Variants in BCL2L2 observed in about 807,000 individuals in gnomAD.
The protein encoded by BCL2L2 is BCL2 like 2, also known as bcl-2-like protein 2.
BCL2L2 carries 6 observed loss-of-function variants against 14.6 expected under a neutral mutation model. That is an observed-to-expected ratio of 0.41 (90% CI 0.22 to 0.81). BCL2L2 has a LOEUF of 0.81. BCL2L2 is among the 30% of genes least tolerant of loss of function. The pLI is 0.32. For missense variants in BCL2L2, 191 were observed against 260.5 expected, an observed-to-expected ratio of 0.73 and a Z score of 1.84; for synonymous variants, 90 against 108.5, an observed-to-expected ratio of 0.83 and a Z score of 1.06.
chr14:23,307,988 C>T lies in BCL2L2; in HGVS notation c.221C>T (p.Ser74Leu), dbSNP rs1392749158. The change falls in exon 3 of 4, where the codon TCA becomes TTA. Residue 74 changes from serine (S) to leucine (L), a missense_variant. Transcript: ENST00000250405. ...LAAQLHVTPG[S>L]AQQRFTQVSD... ...GCTCAGCTGCATGTGACCCCAGGCTCAGCCCAACAACGCTTCACCCAGGTC... is the reference window on the plus strand; with the variant it reads ...GCTCAGCTGCATGTGACCCCAGGCTTAGCCCAACAACGCTTCACCCAGGTC... 4.3e-6 allele frequency: 7 copies of T among 1,614,052 alleles called. No homozygotes were observed. The highest frequency in any genetic ancestry group is 5.9e-6 in the Non-Finnish European group (7 of 1,180,030).
chr14:23,308,187 C>A lies in BCL2L2; in HGVS notation c.420C>A (p.Ser140Arg). 1 of 1,611,086 alleles carries A rather than the reference C, an allele frequency of 6.2e-7. No individual in the cohort carries two copies. Among genetic ancestry groups the A allele is most frequent in the Non-Finnish European group, 8.5e-7 (1 of 1,178,912 alleles). ...LETQLADWIH[S>R]SGGWAEFTAL... ...CGCAGCTGGCTGACTGGATCCACAG[C>A]AGTGGGGGCTGGGTAAGAAGCTTCT... Residue 140 changes from serine (S) to arginine (R), a missense_variant, in exon 3 of 4, where the codon AGC (serine) becomes AGA (arginine). Coordinates refer to ENST00000250405, the MANE Select transcript of BCL2L2 (RefSeq NM_004050.5). The surrounding 1 kb of genome is among the most constrained non-coding windows in gnomAD (Gnocchi z 5.4).
rs867739613 is a variant in BCL2L2 at position 23,307,946 on chromosome 14, C to T, written c.179C>T (p.Thr60Ile). The T allele has an allele frequency of 6.2e-7, 1 of 1,614,022 alleles. No homozygotes were observed. Among genetic ancestry groups the T allele is most frequent in the African/African-American group, 1.3e-5 (1 of 75,064 alleles). ...GDEFETRFRRTFSDLAAQLHV... is the reference protein window; with the variant it reads ...GDEFETRFRRIFSDLAAQLHV... ...GAGTTCGAGACCCGCTTCCGGCGCA[C>T]CTTCTCTGATCTGGCGGCTCAGCTG... The change falls in exon 3 of 4, where the codon ACC becomes ATC. Residue 60 changes from threonine to isoleucine, a missense_variant. Coordinates refer to ENST00000250405, the MANE Select transcript of BCL2L2 (RefSeq NM_004050.5).
Position 23,310,541 on chromosome 14 carries a change from A to C in BCL2L2, c.*1576A>C. 2 of 1,058,524 alleles carry C rather than the reference A, an allele frequency of 1.9e-6. No homozygotes were observed. The highest frequency in any genetic ancestry group is 2.3e-6 in the Non-Finnish European group (2 of 874,410). 65.6% of individuals were successfully genotyped at this position (1,058,524 alleles called of 1,614,324 possible). A position where few individuals can be genotyped will look rare whatever the true frequency, so the allele number is the denominator to read the frequency against. On this transcript the variant is annotated 3_prime_UTR_variant, in exon 4 of 4. Transcript: ENST00000250405. Reference sequence around the variant, plus strand: ...AATTGGCCTCAGGTGTTGAGTCCAGACTTCTGCTTTTGAGAGAGGGCTGCA... The same window carrying C: ...AATTGGCCTCAGGTGTTGAGTCCAGCCTTCTGCTTTTGAGAGAGGGCTGCA...
chr14:23,308,147 T>C lies in BCL2L2; in HGVS notation c.380T>C (p.Val127Ala), dbSNP rs764416835. 5 of 1,613,076 alleles carry C rather than the reference T, an allele frequency of 3.1e-6. No individual in the cohort carries two copies. The African/African-American group carries it at 6.7e-5, about 22-fold the overall frequency. ...PLVGQVQEWMVAYLETQLADW... is the reference protein window; with the variant it reads ...PLVGQVQEWMAAYLETQLADW... ...GTGGGACAAGTGCAGGAGTGGATGGTGGCCTACCTGGAGACGCAGCTGGCT... is the reference window on the plus strand; with the variant it reads ...GTGGGACAAGTGCAGGAGTGGATGGCGGCCTACCTGGAGACGCAGCTGGCT... The change falls in exon 3 of 4, where the codon GTG (valine) becomes GCG (alanine). Residue 127 changes from valine to alanine, a missense_variant. By Grantham distance (64) the Val-to-Ala change is moderately conservative (BLOSUM62 0). Transcript: ENST00000250405. The surrounding 1 kb of genome is among the most constrained non-coding windows in gnomAD (Gnocchi z 5.4).
Position 23,308,633 on chromosome 14 carries a change from G to T in BCL2L2, c.433-183G>T, listed in dbSNP as rs1887409253. Among the ~76,000 whole-genome samples, 1 of 152,092 alleles carries T rather than the reference G, an allele frequency of 6.6e-6. No individual in the cohort carries two copies. On this transcript the variant is annotated intron_variant, in intron 3 of 3. Transcript: ENST00000250405. The surrounding 1 kb of genome is among the most constrained non-coding windows in gnomAD (Gnocchi z 5.4). ...CAGATGAACCAGTCTCTCAGGGTGG[G>T]GGTGCACCTGGGGGGATCAGAGGGG...
rs3210043 is a variant in BCL2L2, at chr14:23,310,668, C to A, written c.*1703C>A. 0.14 allele frequency: 163,739 copies of A among 1,136,690 alleles called. 12,985 individuals are homozygous for A. Among genetic ancestry groups the A allele is most frequent in the Non-Finnish European group, 0.16 (147,222 of 917,794 alleles). The allele number at this position is 1,136,690 out of a possible 1,614,324, so 70.4% of individuals were successfully genotyped here. On this transcript the variant is annotated 3_prime_UTR_variant, in exon 4 of 4. Coordinates refer to ENST00000250405, the MANE Select transcript of BCL2L2 (RefSeq NM_004050.5). Reference sequence around the variant, plus strand: ...AAACTCAGAGCCAGCTTGTGGCAAGCAGTTGGGGTGGGGGGTCTCTGACTT... The same window carrying A: ...AAACTCAGAGCCAGCTTGTGGCAAGAAGTTGGGGTGGGGGGTCTCTGACTT...
At position 23,308,258 on chromosome 14, in the gene BCL2L2, G is replaced by C; in HGVS notation, c.432+59G>C. ...CTTCTGCAAAGCTGGTCTCCAGGGG[G>C]AAGATGGGGGCTCTGATTGGAGGCT... On this transcript the variant is annotated intron_variant, in intron 3 of 3. Transcript: ENST00000250405. The surrounding 1 kb of genome is among the most constrained non-coding windows in gnomAD (Gnocchi z 5.4). 1 of 1,507,414 alleles carries C rather than the reference G, an allele frequency of 6.6e-7. No homozygotes were observed. The highest frequency in any genetic ancestry group is 2.4e-5 in the East Asian group (1 of 42,304). The allele number at this position is 1,507,414 out of a possible 1,614,324, so 93.4% of individuals were successfully genotyped here.
At position 23,309,585 on chromosome 14, in the gene BCL2L2, T is replaced by C; in HGVS notation, c.*620T>C. 1.0e-6 allele frequency: 1 copy of C among 985,594 alleles called. No individual in the cohort carries two copies. The highest frequency in any genetic ancestry group is 1.2e-6 in the Non-Finnish European group (1 of 830,012). 61.1% of individuals were successfully genotyped at this position (985,594 alleles called of 1,614,324 possible). Reference sequence around the variant, plus strand: ...CCCAACCCCTCCTTTCCCCTGCCCTTGTCCTGATGCCTCAAGGCTTAGAGA... The same window carrying C: ...CCCAACCCCTCCTTTCCCCTGCCCTCGTCCTGATGCCTCAAGGCTTAGAGA... On this transcript the variant is annotated 3_prime_UTR_variant, in exon 4 of 4. Coordinates refer to ENST00000250405, the MANE Select transcript of BCL2L2 (RefSeq NM_004050.5).
chr14:23,307,756 A>G lies in BCL2L2; in HGVS notation c.-8-4A>G, dbSNP rs763860750. 1 of 1,519,354 alleles carries G rather than the reference A, an allele frequency of 6.6e-7. No individual in the cohort carries two copies. The highest frequency in any genetic ancestry group is 2.3e-5 in the Admixed American group (1 of 44,186). The allele number at this position is 1,519,354 out of a possible 1,614,324, so 94.1% of individuals were successfully genotyped here. On this transcript the variant is annotated splice_polypyrimidine_tract_variant and splice_region_variant and intron_variant, in intron 2 of 3. Transcript: ENST00000250405. ...TGCCAGTCTTTCATCCTTGCCTCTT[A>G]TAGCCGCCCGGATGGCGACCCCAGC...
In BCL2L2 at chr14:23,308,281, G is replaced by T; in HGVS notation, c.432+82G>T. ...GGGAAGATGGGGGCTCTGATTGGAG[G>T]CTGAGGCAGCTATGTTGGGAATGAG... On this transcript the variant is annotated intron_variant, in intron 3 of 3. Coordinates refer to ENST00000250405, the MANE Select transcript of BCL2L2 (RefSeq NM_004050.5). This position sits in a 1 kb window ranked among gnomAD's most constrained non-coding sequence, Gnocchi z 5.4. 1 of 1,464,932 alleles carries T rather than the reference G, an allele frequency of 6.8e-7. No homozygotes were observed. 90.7% of individuals were successfully genotyped at this position (1,464,932 alleles called of 1,614,324 possible).
At position 23,309,445 on chromosome 14, in the gene BCL2L2, G is replaced by A. The variant is rs546495900; in HGVS notation, c.*480G>A. 98 of 987,938 alleles carry A rather than the reference G, an allele frequency of 9.9e-5. No individual in the cohort carries two copies. The African/African-American group carries it at 1.5e-3, about 15-fold the overall frequency. 61.2% of individuals were successfully genotyped at this position (987,938 alleles called of 1,614,324 possible). Reference sequence around the variant, plus strand: ...CTTGGACACGCGTGTGCATGTGCACGCATGCTGGTGTGCATGCTGGGCTGC... The same window carrying A: ...CTTGGACACGCGTGTGCATGTGCACACATGCTGGTGTGCATGCTGGGCTGC... On this transcript the variant is annotated 3_prime_UTR_variant, in exon 4 of 4. Transcript: ENST00000250405.
Position 23,311,106 on chromosome 14 carries a change from A to G in BCL2L2, c.*2141A>G, listed in dbSNP as rs1289272759. On this transcript the variant is annotated 3_prime_UTR_variant, in exon 4 of 4. Coordinates refer to ENST00000250405, the MANE Select transcript of BCL2L2 (RefSeq NM_004050.5). ...CAAAATGCCCTGCTCTGAAGCCTTG[A>G]CACCTGGGTGGAAAGAGAGGCTGTT... 3.1e-6 allele frequency: 4 copies of G among 1,288,930 alleles called. No individual in the cohort carries two copies. Among genetic ancestry groups the G allele is most frequent in the Non-Finnish European group, 1.0e-6 (1 of 988,626 alleles). 79.8% of individuals were successfully genotyped at this position (1,288,930 alleles called of 1,614,324 possible). A position where few individuals can be genotyped will look rare whatever the true frequency, so the allele number is the denominator to read the frequency against.
chr14:23,308,157 G>A lies in BCL2L2; in HGVS notation c.390G>A (p.Leu130=), dbSNP rs765778995. 4.3e-6 allele frequency: 7 copies of A among 1,613,518 alleles called. No homozygotes were observed. The South Asian group carries it at 7.7e-5, about 18-fold the overall frequency. ...GQVQEWMVAY[L]ETQLADWIHS... ...TGCAGGAGTGGATGGTGGCCTACCTGGAGACGCAGCTGGCTGACTGGATCC... is the reference window on the plus strand; with the variant it reads ...TGCAGGAGTGGATGGTGGCCTACCTAGAGACGCAGCTGGCTGACTGGATCC... The change falls in exon 3 of 4, where the codon CTG becomes CTA. Residue 130 remains leucine, a synonymous_variant. Coordinates refer to ENST00000250405, the MANE Select transcript of BCL2L2 (RefSeq NM_004050.5). The surrounding 1 kb of genome is among the most constrained non-coding windows in gnomAD (Gnocchi z 5.4).
chr14:23,308,129 AAGTGCAGG>A lies in BCL2L2; in HGVS notation c.367_374del (p.Gln123AspfsTer11). On this transcript the variant is annotated frameshift_variant, in exon 3 of 4. Coordinates refer to ENST00000250405, the MANE Select transcript of BCL2L2 (RefSeq NM_004050.5). LOFTEE classifies it high-confidence loss of function. The surrounding 1 kb of genome is among the most constrained non-coding windows in gnomAD (Gnocchi z 5.4). Reference sequence around the variant, plus strand: ...AAGGAGATGGAACCACTGGTGGGACAAGTGCAGGAGTGGATGGTGGCCTACCTGGAGAC... The same window carrying A: ...AAGGAGATGGAACCACTGGTGGGACAAGTGGATGGTGGCCTACCTGGAGAC... 1 of 1,613,824 alleles carries A rather than the reference AAGTGCAGG, an allele frequency of 6.2e-7. No homozygotes were observed. The highest frequency in any genetic ancestry group is 8.5e-7 in the Non-Finnish European group (1 of 1,180,030).
chr14:23,307,782 C>T lies in BCL2L2; in HGVS notation c.15C>T (p.Ala5=). MATP[A]SAPDTRALVA... ...TAGCCGCCCGGATGGCGACCCCAGC[C>T]TCGGCCCCAGACACACGGGCTCTGG... is the stretch of plus-strand genomic sequence containing the variant. The change falls in exon 3 of 4, where the codon GCC becomes GCT. Residue 5 remains alanine, a synonymous_variant. Coordinates refer to ENST00000250405, the MANE Select transcript of BCL2L2 (RefSeq NM_004050.5). 6.6e-7 allele frequency: 1 copy of T among 1,526,042 alleles called. No individual in the cohort carries two copies. The allele number at this position is 1,526,042 out of a possible 1,614,324, so 94.5% of individuals were successfully genotyped here.
In BCL2L2 at chr14:23,310,099, G is replaced by A. The variant is rs548409833; in HGVS notation, c.*1134G>A. ...TATGCTGTGTTGTGGGCTTTGGTTCGGCTTTATCAGGGGCCAGGCATATGG... is the reference window on the plus strand; with the variant it reads ...TATGCTGTGTTGTGGGCTTTGGTTCAGCTTTATCAGGGGCCAGGCATATGG... On this transcript the variant is annotated 3_prime_UTR_variant, in exon 4 of 4. Transcript: ENST00000250405. The A allele has an allele frequency of 4.1e-4, 402 of 985,430 alleles. No individual in the cohort carries two copies. The highest frequency in any genetic ancestry group is 4.7e-4 in the Non-Finnish European group (388 of 830,014). 61.0% of individuals were successfully genotyped at this position (985,430 alleles called of 1,614,324 possible). A position where few individuals can be genotyped will look rare whatever the true frequency, so the allele number is the denominator to read the frequency against.
chr14:23,310,408 G>A lies in BCL2L2; in HGVS notation c.*1443G>A. ...ACAGTGCTCTAGAACCCTGCCTGTG[G>A]TCCTGAGCACTGATCACCTTAGCTA... On this transcript the variant is annotated 3_prime_UTR_variant, in exon 4 of 4. Coordinates refer to ENST00000250405, the MANE Select transcript of BCL2L2 (RefSeq NM_004050.5). The A allele has an allele frequency of 1.0e-6, 1 of 994,068 alleles. No individual in the cohort carries two copies. 61.6% of individuals were successfully genotyped at this position (994,068 alleles called of 1,614,324 possible).
Position 23,309,558 on chromosome 14 carries a change from C to T in BCL2L2, c.*593C>T, listed in dbSNP as rs1049183854. 1.8e-5 allele frequency: 18 copies of T among 985,480 alleles called. No individual in the cohort carries two copies. The highest frequency in any genetic ancestry group is 2.2e-5 in the Non-Finnish European group (18 of 830,012). 61.0% of individuals were successfully genotyped at this position (985,480 alleles called of 1,614,324 possible). A position where few individuals can be genotyped will look rare whatever the true frequency, so the allele number is the denominator to read the frequency against. On this transcript the variant is annotated 3_prime_UTR_variant, in exon 4 of 4. Transcript: ENST00000250405. Reference sequence around the variant, plus strand: ...AACTAGGGGCAGTTCTCTGTCCCTCCTCCCAACCCCTCCTTTCCCCTGCCC... The same window carrying T: ...AACTAGGGGCAGTTCTCTGTCCCTCTTCCCAACCCCTCCTTTCCCCTGCCC...
At position 23,309,444 on chromosome 14, in the gene BCL2L2, CGCATGCTGGTGT is replaced by C; in HGVS notation, c.*489_*500del. The C allele has an allele frequency of 2.0e-6, 2 of 987,974 alleles. No individual in the cohort carries two copies. Among genetic ancestry groups the C allele is most frequent in the Non-Finnish European group, 2.4e-6 (2 of 831,642 alleles). The allele number at this position is 987,974 out of a possible 1,614,324, so 61.2% of individuals were successfully genotyped here. A position where few individuals can be genotyped will look rare whatever the true frequency, so the allele number is the denominator to read the frequency against. ...GCTTGGACACGCGTGTGCATGTGCA[CGCATGCTGGTGT>C]GCATGCTGGGCTGCCTGGCAAATCT... On this transcript the variant is annotated 3_prime_UTR_variant, in exon 4 of 4. Coordinates refer to ENST00000250405, the MANE Select transcript of BCL2L2 (RefSeq NM_004050.5).
Sources: gnomAD v4.1 joint callset for allele counts (sites outside exome capture counted in the v4.1 genomes callset) on GRCh38, gnomAD v4.1.1 for gene constraint, Gnocchi (gnomAD v3.1) non-coding constraint, MANE v1.5 for transcripts, NCBI Gene and HGNC (gene_info 2026-07-23, HGNC 2026-07-21) for gene names.